NELL2: variants seen among roughly 807,000 people sequenced by gnomAD.
The protein encoded by NELL2 is protein kinase C-binding protein NELL2.
Under a neutral mutation model 109.6 loss-of-function variants are expected in NELL2, and 41 were observed. That is an observed-to-expected ratio of 0.37 (90% confidence interval 0.29 to 0.49). The LOEUF (loss-of-function observed/expected upper bound fraction) is 0.49. Among genes scored for constraint, NELL2 ranks in the 20% least tolerant of loss-of-function variants. The pLI is 0.98. For synonymous variants in NELL2, 355 were observed against 344.7 expected, an observed-to-expected ratio of 1.03 and a Z score of -0.33; for missense variants, 900 against 1,008.3, an observed-to-expected ratio of 0.89 and a Z score of 1.45.
chr12:44,625,305 T>C (rs779630066), intron 13 of NELL2, among the ~76,000 whole-genome samples: 3 of 151,964 alleles, frequency 2.0e-5, no homozygotes, highest in Non-Finnish European at 2.9e-5. Flanking sequence ...GTTTCATTTT[T>C]ATACCCTTAT....
chr12:44,640,399 G>A (rs1294939790), intron 13 of NELL2, among the ~76,000 whole-genome samples: 1 of 152,166 alleles, frequency 6.6e-6, no homozygotes, highest in Non-Finnish European at 1.5e-5. Flanking sequence ...TAGGAACTGA[G>A]ATTTGAACCC....
chr12:44,787,044 A>T (rs1469971404), intron 3 of NELL2, among the ~76,000 whole-genome samples: 1 of 152,196 alleles, frequency 6.6e-6, no homozygotes, highest in African/African-American at 2.4e-5. Flanking sequence ...AAGTATAAAA[A>T]AAAACTATCA....
At chr12:44,636,352 G>A (rs998209929) in intron 13 of NELL2, among the ~76,000 whole-genome samples, 6 of 152,084 alleles carry the variant, frequency 3.9e-5, no homozygotes, top group African/African-American at 1.5e-4. Flanking sequence ...GGGCATCCTT[G>A]TCTTGTACCA....
intron 15 of NELL2, among the ~76,000 whole-genome samples, chr12:44,540,781 C>CAAAAAAAAAAAAAAAAAAAAAAAAAAAAA (rs57205620): frequency 4.0e-5 from 2 of 49,748 alleles, no homozygotes; most frequent in African/African-American, 8.3e-5. Flanking sequence ...GTCTGCAAGC[C>CAAAAAAAAAAAAAAAAAAAAAAAAAAAAA]AAAAAAAAAA....
intron 3 of NELL2, among the ~76,000 whole-genome samples, chr12:44,802,244 C>T (rs566778016): frequency 6.6e-6 from 1 of 152,048 alleles, no homozygotes; most frequent in South Asian, 2.1e-4. Flanking sequence ...CAGTTACTGG[C>T]TAGTGGAAAA....
intron 3 of NELL2, among the ~76,000 whole-genome samples, chr12:44,798,640 T>C (rs987632217): frequency 1.5e-4 from 23 of 152,166 alleles, no homozygotes; most frequent in Non-Finnish European, 3.4e-4. Context: ...TATAAAGAAA[T>C]GTGAAAAATA....
intron 9 of NELL2, among the ~76,000 whole-genome samples, chr12:44,772,944 A>G (rs1941604587): frequency 6.6e-6 from 1 of 152,198 alleles, no homozygotes; most frequent in Non-Finnish European, 1.5e-5. Flanking sequence ...TCATTTCATT[A>G]TGTCTAACCG....
At chr12:44,782,493 G>A (rs985609108) in intron 3 of NELL2, among the ~76,000 whole-genome samples, 3 of 151,718 alleles carry the variant, frequency 2.0e-5, no homozygotes, top group African/African-American at 4.8e-5. Flanking sequence ...ATATTCTGTT[G>A]GTAAGAAACT....
At chr12:44,688,151 A>T (rs1211517812) in intron 12 of NELL2, among the ~76,000 whole-genome samples, 1 of 152,214 alleles carries the variant, frequency 6.6e-6, no homozygotes, top group Non-Finnish European at 1.5e-5. Flanking sequence ...TTCTATATTG[A>T]AGCACTGGTT....
chr12:44,788,633 C>T (rs1942268594), intron 3 of NELL2, among the ~76,000 whole-genome samples: 1 of 152,174 alleles, frequency 6.6e-6, no homozygotes, highest in African/African-American at 2.4e-5. Flanking sequence ...AACTTTGTAA[C>T]AATTTAAGCT....
chr12:44,652,823 T>G (rs921064115), intron 13 of NELL2, among the ~76,000 whole-genome samples: 21 of 152,234 alleles, frequency 1.4e-4, no homozygotes, highest in Admixed American at 3.9e-4. Flanking sequence ...CCCTGGAGGC[T>G]CTAGTGGTGA....
At chr12:44,549,857 C>T (rs1388930866) in intron 15 of NELL2, among the ~76,000 whole-genome samples, 1 of 152,108 alleles carries the variant, frequency 6.6e-6, no homozygotes, top group African/African-American at 2.4e-5. Context: ...CCTATCAAAA[C>T]TCCAATAGCA....
intron 15 of NELL2, among the ~76,000 whole-genome samples, chr12:44,536,138 G>GT (rs1170121216): frequency 2.0e-5 from 3 of 151,836 alleles, no homozygotes; most frequent in Non-Finnish European, 4.4e-5. Flanking sequence ...TAGAAGGCAT[G>GT]TTTTTTTCGC....
intron 3 of NELL2, among the ~76,000 whole-genome samples, chr12:44,789,857 A>G: frequency 6.6e-6 from 1 of 152,172 alleles, no homozygotes; most frequent in East Asian, 1.9e-4. Context: ...ATAGAACTGA[A>G]CAAGTAGAAG....
Position 44,609,263 on chromosome 12 carries a change from C to T in NELL2, c.1567+1585G>A, listed in dbSNP as rs187036947. Among the ~76,000 whole-genome samples the T allele has an allele frequency of 2.4e-3, 357 of 151,818 alleles. 3 individuals are homozygous for T. Among genetic ancestry groups the T allele is most frequent in the African/African-American group, 7.9e-3 (326 of 41,408 alleles). On this transcript the variant is annotated intron_variant, in intron 14 of 19. Transcript: ENST00000429094. ...CCAAGCCCAGTGAAAATAAGGTTTA[C>T]GTGAATACAAGCATTGTGATACCTC...
chr12:44,776,503 C>T (rs1941762882), intron 7 of NELL2, among the ~76,000 whole-genome samples: 1 of 152,034 alleles, frequency 6.6e-6, no homozygotes, highest in East Asian at 1.9e-4. Flanking sequence ...AAATAAAATT[C>T]AGAATTTATG....
chr12:44,849,553 A>G (rs1263291742), intron 2 of NELL2, among the ~76,000 whole-genome samples: 1 of 152,244 alleles, frequency 6.6e-6, no homozygotes, highest in African/African-American at 2.4e-5. Context: ...AGTATTGAAC[A>G]GTACAAAATG....
chr12:44,722,023 G>C (rs1938801148), intron 9 of NELL2, among the ~76,000 whole-genome samples: 1 of 152,026 alleles, frequency 6.6e-6, no homozygotes, highest in South Asian at 2.1e-4. Flanking sequence ...AGGGAAGAGA[G>C]AGCAGAGGAA....
chr12:44,776,950 C>T, intron 7 of NELL2, 92 bp downstream of exon 7: 1 of 1,077,544 alleles, frequency 9.3e-7, no homozygotes. Context: ...ATAAGAAGAG[C>T]CTCGAAGGTG....
Sources: allele counts gnomAD v4.1 joint callset (sites outside exome capture counted in the v4.1 genomes callset), GRCh38; gene constraint gnomAD v4.1.1; transcripts MANE v1.5; gene names NCBI Gene and HGNC (gene_info 2026-07-23, HGNC 2026-07-21).